MSANTD5: variants seen among roughly 807,000 people sequenced by gnomAD.
The protein encoded by MSANTD5 is uncharacterized protein MSANTD5.
chr5:178,693,554 C>G (rs1765378570), downstream of MSANTD5, among the ~76,000 whole-genome samples: 1 of 152,004 alleles, frequency 6.6e-6, no homozygotes, highest in African/African-American at 2.4e-5. Context: ...AAAGGTGGTG[C>G]AGACCCAAAG....
downstream of MSANTD5, among the ~76,000 whole-genome samples, chr5:178,693,464 T>C (rs1285383995): frequency 6.6e-6 from 1 of 152,008 alleles, no homozygotes; most frequent in Admixed American, 6.5e-5. Flanking sequence ...TGTCCGGAGT[T>C]TCTGCCTTCC....
chr5:178,694,315 C>CAAAAA (rs56778816), downstream of MSANTD5, among the ~76,000 whole-genome samples: 20 of 61,496 alleles, frequency 3.3e-4, no homozygotes, highest in African/African-American at 4.3e-4. Context: ...GACTCCATCT[C>CAAAAA]AAAAAAAAAA....
the MSANTD5 span, chr5:178,707,077 G>C: frequency 6.6e-6 from 1 of 152,126 alleles, no homozygotes; most frequent in Non-Finnish European, 1.5e-5. Flanking sequence ...CTGCTTTTCA[G>C]CTTGACTAGC....
chr5:178,700,974 TTTTG>T (rs780435250), upstream of MSANTD5, among the ~76,000 whole-genome samples: 111 of 152,178 alleles, frequency 7.3e-4, no homozygotes, highest in African/African-American at 1.1e-3. Flanking sequence ...GTGTTCAGTT[TTTTG>T]TTTGTTTGTT....
At chr5:178,696,250 G>A (rs991383823) in intron 1 of MSANTD5, 69 bp from the exon 2 acceptor site, 1 of 151,062 alleles carries the variant, frequency 6.6e-6, no homozygotes. Context: ...TTGAGACAGA[G>A]TCTTGCTCTG....
At chr5:178,693,963 T>C (rs537182182), downstream of MSANTD5, among the ~76,000 whole-genome samples, 1 of 152,130 alleles carries the variant, frequency 6.6e-6, no homozygotes, top group South Asian at 2.1e-4. Context: ...AAAAACTATC[T>C]CCTGAAGTAA....
the MSANTD5 span, among the ~76,000 whole-genome samples, chr5:178,704,061 A>G: frequency 6.6e-6 from 1 of 152,146 alleles, no homozygotes; most frequent in Non-Finnish European, 1.5e-5. Flanking sequence ...TACCAAATAT[A>G]TGAATGTAGT....
At chr5:178,701,047 C>T (rs1404773802), upstream of MSANTD5, among the ~76,000 whole-genome samples, 12 of 152,154 alleles carry the variant, frequency 7.9e-5, no homozygotes, top group Non-Finnish European at 1.6e-4. Flanking sequence ...GATCTCGGCT[C>T]ACTGCAAGCT....
downstream of MSANTD5, among the ~76,000 whole-genome samples, chr5:178,693,139 G>A (rs1207708943): frequency 1.3e-5 from 2 of 151,738 alleles, no homozygotes; most frequent in Non-Finnish European, 2.9e-5. Flanking sequence ...GAGAAACCCC[G>A]TCTCTACTAA....
chr5:178,696,602 G>A (rs1481675662), intron 1 of MSANTD5, among the ~76,000 whole-genome samples: 1 of 152,128 alleles, frequency 6.6e-6, no homozygotes, highest in Non-Finnish European at 1.5e-5. Context: ...AAGGGCGCGT[G>A]GGACAGTGGA....
At chr5:178,691,675 T>TA (rs1234758814), downstream of MSANTD5, among the ~76,000 whole-genome samples, 1 of 135,862 alleles carries the variant, frequency 7.4e-6, no homozygotes, top group Admixed American at 7.4e-5. Context: ...GAATATATTT[T>TA]AAAAAACTCT....
the MSANTD5 span, among the ~76,000 whole-genome samples, chr5:178,705,365 G>A: frequency 6.6e-6 from 1 of 152,012 alleles, no homozygotes; most frequent in Admixed American, 6.6e-5. Flanking sequence ...GCTTCTCAAT[G>A]AGAGTCTGAG....
chr5:178,707,244 C>T, the MSANTD5 span: 7 of 152,146 alleles, frequency 4.6e-5, no homozygotes, highest in Admixed American at 1.3e-4. Context: ...TCACAAAAGT[C>T]CTTTAACTGC....
chr5:178,691,922 G>T (rs59480718), downstream of MSANTD5, among the ~76,000 whole-genome samples: 64,260 of 133,608 alleles, frequency 0.48, 21,884 homozygotes, highest in Admixed American at 0.59. Context: ...GGCCCTCTGC[G>T]ATGGACACTC....
chr5:178,700,141 G>A (rs547019956), upstream of MSANTD5, among the ~76,000 whole-genome samples: 5 of 152,174 alleles, frequency 3.3e-5, no homozygotes, highest in South Asian at 2.1e-4. Context: ...GGCCCCCGTC[G>A]CCCTGGGCAT....
chr5:178,697,824 C>T (rs1765435980), upstream of MSANTD5: 1 of 152,196 alleles, frequency 6.6e-6, no homozygotes, highest in South Asian at 2.1e-4. Flanking sequence ...ACCCACCCAA[C>T]CTGGAGACTT....
At chr5:178,693,632 G>A (rs7714872), downstream of MSANTD5, among the ~76,000 whole-genome samples, 106,784 of 151,866 alleles carry the variant, frequency 0.7, 38,398 homozygotes, top group Middle Eastern at 0.8. Context: ...CACGAAAGAG[G>A]ACCTGAGCAC....
At chr5:178,701,036 C>G (rs372185037), upstream of MSANTD5, among the ~76,000 whole-genome samples, 1 of 152,128 alleles carries the variant, frequency 6.6e-6, no homozygotes, top group Admixed American at 6.5e-5. Flanking sequence ...TGCAGTGGCG[C>G]GATCTCGGCT....
downstream of MSANTD5, among the ~76,000 whole-genome samples, chr5:178,692,072 TAAAAAAAAAAAAAAA>T (rs58907781): frequency 2.2e-5 from 2 of 91,184 alleles, no homozygotes; most frequent in African/African-American, 3.9e-5. Flanking sequence ...TGGCAGTTTC[TAAAAAAAAAAAAAAA>T]AAAAAAATTA....
Sources: gnomAD v4.1 joint callset for allele counts (sites outside exome capture counted in the v4.1 genomes callset) on GRCh38, gnomAD v4.1.1 for gene constraint, MANE v1.5 for transcripts, NCBI Gene and HGNC (gene_info 2026-07-23, HGNC 2026-07-21) for gene names.